The following PKHD1 variants were observed in gnomAD, a reference collection of about 807,000 sequenced individuals.
The protein encoded by PKHD1 is fibrocystin.
PKHD1 carries 291 observed loss-of-function variants against 412.0 expected under a neutral mutation model. The observed-to-expected ratio is 0.71, with a 90% CI of 0.64 to 0.78. The LOEUF (loss-of-function observed/expected upper bound fraction) is 0.78. Ranked by LOEUF, PKHD1 falls within the 30% of genes least tolerant of loss-of-function variation. The pLI, the probability that PKHD1 is intolerant of heterozygous loss-of-function variation, is 0.00. For synonymous variants in PKHD1, 1,777 were observed against 1,821.5 expected (o/e 0.98, Z 0.62); for missense variants, 4,825 against 4,950.7 (o/e 0.97, Z 0.76).
Position 52,050,138 on chromosome 6 carries a change from T to A in PKHD1, c.2279+19A>T, listed in dbSNP as rs201304518. The stretch of plus-strand genomic sequence containing the variant: ...GCATTCTTAGGAGAAGGGACAGGTG[T>A]AAAAAAGCCACTCCTTACCGTGCAG... On this transcript the variant is annotated intron_variant, in intron 22 of 66. Transcript: ENST00000371117. 1 of 1,612,968 alleles carries A rather than the reference T, an allele frequency of 6.2e-7. No homozygotes were observed. The highest frequency in any genetic ancestry group is 1.3e-5 in the African/African-American group (1 of 74,998).
chr6:51,936,395 G>A (rs1285234490), intron 36 of PKHD1, among the ~76,000 whole-genome samples: 1 of 152,180 alleles, frequency 6.6e-6, no homozygotes. Context: ...AATAAGAAGA[G>A]TCTTGGTGAG....
chr6:51,684,881 T>C (rs1438132580), intron 60 of PKHD1, among the ~76,000 whole-genome samples: 1 of 152,146 alleles, frequency 6.6e-6, no homozygotes, highest in Non-Finnish European at 1.5e-5. Flanking sequence ...ACTTGCTCTG[T>C]GTCAAAGGCC....
chr6:51,969,441 C>T (rs1562014126), intron 35 of PKHD1, among the ~76,000 whole-genome samples: 1 of 152,146 alleles, frequency 6.6e-6, no homozygotes. Flanking sequence ...GGTACAAGTG[C>T]AGTTTTGTTA....
intron 41 of PKHD1, among the ~76,000 whole-genome samples, chr6:51,904,965 T>A (rs991815651): frequency 3.3e-5 from 5 of 152,192 alleles, no homozygotes; most frequent in Non-Finnish European, 5.9e-5. Context: ...CCTGATCACC[T>A]CAGTTACCCT....
chr6:51,678,568 T>A (rs905187167), intron 60 of PKHD1, among the ~76,000 whole-genome samples: 5 of 152,124 alleles, frequency 3.3e-5, no homozygotes, highest in African/African-American at 1.2e-4. Flanking sequence ...TGACAACCTA[T>A]GTTTTCAAGA....
intron 35 of PKHD1, among the ~76,000 whole-genome samples, chr6:51,963,953 G>A (rs1792440725): frequency 6.6e-6 from 1 of 151,970 alleles, no homozygotes; most frequent in Admixed American, 6.6e-5. Flanking sequence ...TGCAGATGAA[G>A]AAAATCAATT....
chr6:52,062,371 T>C, intron 14 of PKHD1, 148 bp downstream of exon 14: 5 of 857,572 alleles, frequency 5.8e-6, no homozygotes, highest in Non-Finnish European at 9.8e-6. Flanking sequence ...CCAACACTGA[T>C]TGAGAATACT....
At chr6:51,898,958 T>C (rs1451509934) in intron 43 of PKHD1, among the ~76,000 whole-genome samples, 3 of 152,214 alleles carry the variant, frequency 2.0e-5, no homozygotes, top group Admixed American at 1.3e-4. Context: ...CTCCAGAGAC[T>C]AAACCAGGAA....
rs182609769 is a variant in PKHD1, at chr6:51,757,175, T to A, written c.8643-2237A>T. On this transcript the variant is annotated intron_variant, in intron 55 of 66. Transcript: ENST00000371117. The stretch of plus-strand genomic sequence containing the variant: ...GGTTGGGGACCCCTGACCTAGACAA[T>A]CTTTTTATTATTATTTATATTGTTG... 2.0e-5 allele frequency among the ~76,000 whole-genome samples: 3 copies of A among 152,258 alleles called. No individual in the cohort carries two copies. The East Asian group carries it at 5.8e-4, about 29-fold the overall frequency.
At chr6:51,966,371 C>G (rs974019454) in intron 35 of PKHD1, among the ~76,000 whole-genome samples, 1 of 152,114 alleles carries the variant, frequency 6.6e-6, no homozygotes, top group Non-Finnish European at 1.5e-5. Flanking sequence ...TTAGCTTTTA[C>G]AAAGGAGGCA....
At position 51,850,211 on chromosome 6, in the gene PKHD1, T is replaced by C. The variant is rs138945245; in HGVS notation, c.7912-2241A>G. Among the ~76,000 whole-genome samples the C allele has an allele frequency of 1.3e-3, 195 of 152,252 alleles. 1 individual carries two copies. Among genetic ancestry groups the C allele is most frequent in the Middle Eastern group, 0.01 (3 of 294 alleles). On this transcript the variant is annotated intron_variant, in intron 49 of 66. Coordinates refer to ENST00000371117, the MANE Select transcript of PKHD1 (RefSeq NM_138694.4). The stretch of plus-strand genomic sequence containing the variant: ...CAACGATCTGATGGTTGTAAATGTG[T>C]GGTGTTATTTCTGAAGTCTCTGTTC...
chr6:51,969,358 G>C (rs896026664), intron 35 of PKHD1, among the ~76,000 whole-genome samples: 1 of 152,178 alleles, frequency 6.6e-6, no homozygotes, highest in African/African-American at 2.4e-5. Flanking sequence ...TTTCAGCCTT[G>C]AGAGACCTTG....
rs116071709 is a variant in PKHD1, at chr6:52,073,179, G to A, written c.527+284C>T. Among the ~76,000 whole-genome samples the A allele has an allele frequency of 0.013, 1,918 of 152,294 alleles. 28 individuals carry two copies. The highest frequency in any genetic ancestry group is 0.045 in the South Asian group (218 of 4,820). On this transcript the variant is annotated intron_variant, in intron 7 of 66. Transcript: ENST00000371117. ...AGGCTGAGAAACAAAGGAAGGAAGG[G>A]TGAGAATTCAAAAAGAAAATCCACA...
At chr6:51,944,052 T>C (rs1037259173) in intron 36 of PKHD1, among the ~76,000 whole-genome samples, 3 of 151,856 alleles carry the variant, frequency 2.0e-5, no homozygotes, top group African/African-American at 7.3e-5. Context: ...CCAGATGGCC[T>C]GAAGTAACTG....
At chr6:51,795,075 A>G (rs1384543064) in intron 52 of PKHD1, among the ~76,000 whole-genome samples, 1 of 152,186 alleles carries the variant, frequency 6.6e-6, no homozygotes, top group Non-Finnish European at 1.5e-5. Flanking sequence ...TCTTAATGGT[A>G]GTTTAAGGGG....
chr6:51,801,515 A>AT (rs11394766), intron 52 of PKHD1, among the ~76,000 whole-genome samples: 89,299 of 151,236 alleles, frequency 0.59, 27,045 homozygotes, highest in East Asian at 0.83. Context: ...TCTGCCCATC[A>AT]TTTTTTTTCA....
intron 36 of PKHD1, among the ~76,000 whole-genome samples, chr6:51,950,220 A>AATATATATATATATATAT (rs1333126139): frequency 1.4e-3 from 137 of 98,236 alleles, no homozygotes; most frequent in South Asian, 2.5e-3. Context: ...GAAAAAAAAA[A>AATATATATATATATATAT]ATATATATAT....
intron 60 of PKHD1, among the ~76,000 whole-genome samples, chr6:51,716,878 G>A (rs1165981496): frequency 6.6e-6 from 1 of 152,014 alleles, no homozygotes; most frequent in African/African-American, 2.4e-5. Flanking sequence ...ATAAGGCCAA[G>A]AGTCATAAGG....
rs766135202 is a variant in PKHD1, at chr6:52,025,212, G to C, written c.4598C>G (p.Ala1533Gly). The C allele has an allele frequency of 6.2e-7, 1 of 1,614,146 alleles. No individual in the cohort carries two copies. Among genetic ancestry groups the C allele is most frequent in the Non-Finnish European group, 8.5e-7 (1 of 1,180,016 alleles). Residue 1533 changes from alanine (A) to glycine (G), a missense_variant, in exon 32 of 67, where the codon GCA (alanine) becomes GGA (glycine). Transcript: ENST00000371117. ...TCTTGTCTGGCACACAACGTGGCTT[G>C]CATTAAAAAAAGTTACATTGCAAGG... ...QLPCNVTFFNASHVVCQTRDL... is the reference protein window; with the variant it reads ...QLPCNVTFFNGSHVVCQTRDL...
Sources: gnomAD v4.1 joint callset for allele counts (sites outside exome capture counted in the v4.1 genomes callset) on GRCh38, gnomAD v4.1.1 for gene constraint, MANE v1.5 for transcripts, NCBI Gene and HGNC (gene_info 2026-07-23, HGNC 2026-07-21) for gene names.